Variants in ZFP64 observed in about 807,000 individuals in gnomAD.
ZFP64 encodes the protein ZFP64 zinc finger protein.
A neutral mutation model predicts 51.6 loss-of-function variants in ZFP64; 14 were observed. That is an observed-to-expected ratio of 0.27 (90% confidence interval 0.18 to 0.42). The LOEUF is 0.42. ZFP64 is among the 10% of genes least tolerant of loss of function. The pLI, the probability that ZFP64 is intolerant of heterozygous loss-of-function variation, is 1.00. For missense variants in ZFP64, 754 were observed against 906.8 expected (o/e 0.83, Z 2.16); for synonymous variants, 375 against 361.4 (o/e 1.04, Z -0.43).
intron 5 of ZFP64, among the ~76,000 whole-genome samples, chr20:52,146,089 AAACT>A (rs1190128866): frequency 2.0e-5 from 3 of 152,166 alleles, no homozygotes; most frequent in South Asian, 2.1e-4. Context: ...AAAAAAAAAC[AAACT>A]AAGACACAAA....
chr20:52,125,791 AC>A (rs1273349307), intron 5 of ZFP64, among the ~76,000 whole-genome samples: 2 of 152,172 alleles, frequency 1.3e-5, no homozygotes, highest in African/African-American at 4.8e-5. Context: ...CACAAGATAC[AC>A]TGGGAAAGCA....
chr20:52,089,740 CA>C (rs35524410), intron 7 of ZFP64, among the ~76,000 whole-genome samples: 7,432 of 131,272 alleles, frequency 0.057, 201 homozygotes, highest in Middle Eastern at 0.093. Flanking sequence ...GACACTGTCT[CA>C]AAAAAAAAAA....
intron 2 of ZFP64, among the ~76,000 whole-genome samples, chr20:52,171,237 G>A (rs1372387318): frequency 6.6e-6 from 1 of 152,124 alleles, no homozygotes; most frequent in Non-Finnish European, 1.5e-5. Flanking sequence ...GACACCCCAG[G>A]GAAAGGCTTA....
chr20:52,145,619 A>G (rs2122927937), intron 5 of ZFP64, among the ~76,000 whole-genome samples: 1 of 152,330 alleles, frequency 6.6e-6, no homozygotes, highest in Middle Eastern at 3.4e-3. Context: ...AACCTGGGTG[A>G]TAGAGTAATA....
chr20:52,136,703 C>T (rs1410471743), intron 5 of ZFP64, among the ~76,000 whole-genome samples: 3 of 152,154 alleles, frequency 2.0e-5, no homozygotes, highest in Non-Finnish European at 4.4e-5. Context: ...CAGTACCTTG[C>T]TTATATTTAA....
intron 5 of ZFP64, among the ~76,000 whole-genome samples, chr20:52,119,811 T>C (rs1378212421): frequency 2.0e-5 from 3 of 151,890 alleles, no homozygotes; most frequent in African/African-American, 7.3e-5. Flanking sequence ...GACGGCACTT[T>C]TGAGAAACCT....
At chr20:52,169,210 T>C (rs966204876) in intron 2 of ZFP64, among the ~76,000 whole-genome samples, 1 of 152,184 alleles carries the variant, frequency 6.6e-6, no homozygotes, top group African/African-American at 2.4e-5. Context: ...TGAATCTCAA[T>C]AAATGTCAAC....
chr20:52,138,793 TA>T (rs1483458383), intron 5 of ZFP64, among the ~76,000 whole-genome samples: 1 of 152,296 alleles, frequency 6.6e-6, no homozygotes, highest in African/African-American at 2.4e-5. Context: ...GAATAATTCA[TA>T]AAAATTTAAA....
chr20:52,098,121 C>T (rs997415044), intron 6 of ZFP64, among the ~76,000 whole-genome samples: 5 of 141,702 alleles, frequency 3.5e-5, no homozygotes, highest in South Asian at 2.3e-4. Flanking sequence ...TGCAGTGAGC[C>T]GAGATCACAC....
chr20:52,166,046 T>C, intron 2 of ZFP64, 21 bp from the exon 3 acceptor site: 1 of 1,592,706 alleles, frequency 6.3e-7, no homozygotes, highest in African/African-American at 1.4e-5. Flanking sequence ...TGGTGATTAT[T>C]AATTTTCTTA....
In ZFP64 at chr20:52,191,768, G is replaced by T; in HGVS notation, c.-132C>A. 8.6e-7 allele frequency: 1 copy of T among 1,157,346 alleles called. No homozygotes were observed. Among genetic ancestry groups the T allele is most frequent in the Non-Finnish European group, 1.1e-6 (1 of 869,984 alleles). 71.7% of individuals were successfully genotyped at this position (1,157,346 alleles called of 1,614,324 possible). On this transcript the variant is annotated 5_prime_UTR_variant, in exon 1 of 6. Transcript: ENST00000216923. The surrounding 1 kb of genome is among the most constrained non-coding windows in gnomAD (Gnocchi z 4.3). ...CCTTCTCCCAACTCTGCGAGGCGGG[G>T]AGGACGGATGTAAAGCAAGCTGCAC...
downstream of ZFP64, among the ~76,000 whole-genome samples, chr20:52,149,440 A>G (rs1980684570): frequency 6.6e-6 from 1 of 152,188 alleles, no homozygotes; most frequent in African/African-American, 2.4e-5. Context: ...GTTGACCCAC[A>G]GGACTGTCAA....
rs912546074 is a variant in ZFP64, at chr20:52,191,332, C to G, written c.46+259G>C. ...GATTGTCTGAACGGCGTGCCCTCCC[C>G]CACTGTTCCCTTCCAAGGGGTCTCG... On this transcript the variant is annotated intron_variant, in intron 1 of 5. Coordinates refer to ENST00000216923, the MANE Select transcript of ZFP64 (RefSeq NM_018197.3). This position sits in a 1 kb window ranked among gnomAD's most constrained non-coding sequence, Gnocchi z 4.3. Among the ~76,000 whole-genome samples the G allele has an allele frequency of 2.0e-5, 3 of 152,178 alleles. No homozygotes were observed. The highest frequency in any genetic ancestry group is 1.3e-4 in the Admixed American group (2 of 15,292).
At chr20:52,173,529 A>G (rs1012246821) in intron 2 of ZFP64, among the ~76,000 whole-genome samples, 4 of 152,214 alleles carry the variant, frequency 2.6e-5, no homozygotes, top group Admixed American at 2.0e-4. Context: ...TCCAGGCTGC[A>G]GTGAGCTATG....
In ZFP64 at chr20:52,191,331, C is replaced by T. The variant is rs371682328; in HGVS notation, c.46+260G>A. On this transcript the variant is annotated intron_variant, in intron 1 of 5. Transcript: ENST00000216923. The surrounding 1 kb of genome is among the most constrained non-coding windows in gnomAD (Gnocchi z 4.3). ...CGATTGTCTGAACGGCGTGCCCTCC[C>T]CCACTGTTCCCTTCCAAGGGGTCTC... is the stretch of plus-strand genomic sequence containing the variant. 5.6e-4 allele frequency among the ~76,000 whole-genome samples: 85 copies of T among 152,310 alleles called. No individual in the cohort carries two copies. The South Asian group carries it at 0.018, about 32-fold the overall frequency.
intron 7 of ZFP64, among the ~76,000 whole-genome samples, chr20:52,095,541 G>A (rs1170884126): frequency 1.3e-5 from 2 of 152,154 alleles, no homozygotes; most frequent in African/African-American, 2.4e-5. Context: ...ATACCATGAG[G>A]CCTCCATGCC....
intron 5 of ZFP64, among the ~76,000 whole-genome samples, chr20:52,129,257 CTT>C: frequency 6.6e-6 from 1 of 150,754 alleles, no homozygotes; most frequent in Admixed American, 6.6e-5. Context: ...AATTTTTTTT[CTT>C]TTTTTCTTTT....
In ZFP64 at chr20:52,151,557, T is replaced by C. The variant is rs1160163368; in HGVS notation, c.*589A>G. 6.1e-6 allele frequency: 6 copies of C among 985,586 alleles called. No individual in the cohort carries two copies. In the African/African-American group the frequency reaches 7.0e-5, roughly 11 times the overall value. 61.1% of individuals were successfully genotyped at this position (985,586 alleles called of 1,614,324 possible). A position where few individuals can be genotyped will look rare whatever the true frequency, so the allele number is the denominator to read the frequency against. On this transcript the variant is annotated 3_prime_UTR_variant, in exon 6 of 6. Coordinates refer to ENST00000216923, the MANE Select transcript of ZFP64 (RefSeq NM_018197.3). ...GAAAATCAAGTTGGAAACAAACACA[T>C]GAATTCACTACTTAATGCATTTAAT...
intron 5 of ZFP64, among the ~76,000 whole-genome samples, chr20:52,100,398 A>G (rs2079038494): frequency 6.6e-6 from 1 of 152,070 alleles, no homozygotes; most frequent in Non-Finnish European, 1.5e-5. Context: ...GACGTGCGCC[A>G]CCACGCCTGC....
Sources: allele counts gnomAD v4.1 joint callset (sites outside exome capture counted in the v4.1 genomes callset), GRCh38; gene constraint gnomAD v4.1.1; non-coding constraint Gnocchi (gnomAD v3.1); transcripts MANE v1.5; gene names NCBI Gene and HGNC (gene_info 2026-07-23, HGNC 2026-07-21).